The following KCMF1 variants were observed in gnomAD, a reference collection of about 807,000 sequenced individuals.
KCMF1 encodes E3 ubiquitin-protein ligase KCMF1.
Under a neutral mutation model 41.1 loss-of-function variants are expected in KCMF1, and 3 were observed. That is an observed-to-expected ratio of 0.07 (90% confidence interval 0.03 to 0.19). The LOEUF (loss-of-function observed/expected upper bound fraction) is 0.19. Among genes scored for constraint, KCMF1 ranks in the 10% least tolerant of loss-of-function variants. The pLI is 1.00. For missense variants in KCMF1, 286 were observed against 488.9 expected, an observed-to-expected ratio of 0.58 and a Z score of 3.91; for synonymous variants, 142 against 164.5, an observed-to-expected ratio of 0.86 and a Z score of 1.04.
intron 1 of KCMF1, among the ~76,000 whole-genome samples, chr2:84,989,575 C>T (rs142690113): frequency 4.5e-4 from 69 of 152,248 alleles, no homozygotes; most frequent in Middle Eastern, 3.4e-3. Context: ...TTCATTACCA[C>T]AAGAAAAGAT....
At chr2:84,974,274 T>A (rs1673475063) in intron 1 of KCMF1, among the ~76,000 whole-genome samples, 1 of 152,240 alleles carries the variant, frequency 6.6e-6, no homozygotes, top group Admixed American at 6.5e-5. Context: ...TATCATGTTG[T>A]ACTTGCTTGG....
intron 1 of KCMF1, among the ~76,000 whole-genome samples, chr2:85,002,531 T>C (rs1444410599): frequency 6.6e-6 from 1 of 152,228 alleles, no homozygotes; most frequent in Non-Finnish European, 1.5e-5. Flanking sequence ...TTGCATTACA[T>C]TGGTACATTT....
intron 2 of KCMF1, among the ~76,000 whole-genome samples, chr2:85,033,619 T>G (rs1675336174): frequency 6.6e-6 from 1 of 152,170 alleles, no homozygotes; most frequent in Non-Finnish European, 1.5e-5. Context: ...TCAAGGGAGC[T>G]AATTCAGTCC....
At chr2:85,021,810 T>A (rs1171356816) in intron 1 of KCMF1, among the ~76,000 whole-genome samples, 1 of 151,290 alleles carries the variant, frequency 6.6e-6, no homozygotes, top group Non-Finnish European at 1.5e-5. Flanking sequence ...AATCCCATGG[T>A]GTTTTGTTTT....
chr2:85,035,105 T>G lies in KCMF1; in HGVS notation c.274T>G (p.Ser92Ala). 6 of 1,613,570 alleles carry G rather than the reference T, an allele frequency of 3.7e-6. No individual in the cohort carries two copies. Among genetic ancestry groups the G allele is most frequent in the Non-Finnish European group, 5.1e-6 (6 of 1,179,674 alleles). Residue 92 changes from serine (S) to alanine (A), a missense_variant, in exon 3 of 7, where the codon TCT becomes GCT. Coordinates refer to ENST00000409785, the MANE Select transcript of KCMF1 (RefSeq NM_020122.5). Reference protein sequence around the residue: ...YCGKMGYTETSLQEHVTSEHA... With the variant: ...YCGKMGYTETALQEHVTSEHA... ...TGGAAAAATGGGCTATACGGAGACA[T>G]CTCTTCAAGAACATGTTACTTCTGA...
Position 85,056,536 on chromosome 2 carries a change from C to T in KCMF1, c.*3127C>T, listed in dbSNP as rs1675935079. ...TACTCCATGGATGTTGGGGTAAGCA[C>T]ATATATCAATAGTTCATAGCTCTAG... On this transcript the variant is annotated 3_prime_UTR_variant, in exon 7 of 7. Transcript: ENST00000409785. 1.3e-5 allele frequency: 2 copies of T among 152,092 alleles called. No homozygotes were observed. Among genetic ancestry groups the T allele is most frequent in the South Asian group, 4.1e-4 (2 of 4,822 alleles). The allele number at this position is 152,092 out of a possible 1,614,324, so 9.4% of individuals were successfully genotyped here.
intron 1 of KCMF1, among the ~76,000 whole-genome samples, chr2:85,015,794 T>C (rs898508165): frequency 6.6e-6 from 1 of 152,236 alleles, no homozygotes; most frequent in East Asian, 1.9e-4. Context: ...TTGTGAAGAT[T>C]GACAAAGTAA....
intron 1 of KCMF1, among the ~76,000 whole-genome samples, chr2:84,984,909 G>A (rs1385486069): frequency 4.6e-5 from 7 of 151,848 alleles, no homozygotes; most frequent in Admixed American, 2.6e-4. Flanking sequence ...GGATGGCCTC[G>A]AACTCTTGGG....
intron 2 of KCMF1, among the ~76,000 whole-genome samples, chr2:85,033,586 C>T (rs1675334830): frequency 6.6e-6 from 1 of 152,110 alleles, no homozygotes; most frequent in African/African-American, 2.4e-5. Context: ...TGACAGACAG[C>T]CTCCCTTTAA....
intron 1 of KCMF1, 72 bp downstream of exon 1, chr2:84,971,539 A>G (rs1463593970): frequency 1.0e-5 from 9 of 902,808 alleles, no homozygotes; most frequent in Non-Finnish European, 1.3e-5. Flanking sequence ...GGCGCGGCGG[A>G]GGGCGGCCGG....
intron 1 of KCMF1, among the ~76,000 whole-genome samples, chr2:84,977,353 C>T (rs1673575866): frequency 6.6e-6 from 1 of 152,166 alleles, no homozygotes; most frequent in African/African-American, 2.4e-5. Flanking sequence ...CTGATAAGAT[C>T]CTTACCATCA....
intron 4 of KCMF1, among the ~76,000 whole-genome samples, chr2:85,045,245 C>CATAT (rs551733035): frequency 1.2e-3 from 174 of 151,202 alleles, no homozygotes; most frequent in East Asian, 3.7e-3. Context: ...TCTCAAGATA[C>CATAT]ATATATATAT....
chr2:84,993,987 A>G (rs11883641), intron 1 of KCMF1, among the ~76,000 whole-genome samples: 23,298 of 145,572 alleles, frequency 0.16, 2,786 homozygotes, highest in East Asian at 0.36. Flanking sequence ...TTGCTCTGTC[A>G]CCCAGGCTGG....
chr2:84,974,663 A>G (rs1468317054), intron 1 of KCMF1, among the ~76,000 whole-genome samples: 1 of 25,280 alleles, frequency 4.0e-5, no homozygotes, highest in African/African-American at 1.8e-4. Flanking sequence ...AATTTCATAT[A>G]TATATATATA....
chr2:84,990,252 A>G (rs1399307384), intron 1 of KCMF1, among the ~76,000 whole-genome samples: 1 of 152,174 alleles, frequency 6.6e-6, no homozygotes, highest in Non-Finnish European at 1.5e-5. Context: ...TTTGGCTGTG[A>G]AGGGAAGGAG....
intron 1 of KCMF1, among the ~76,000 whole-genome samples, chr2:84,976,372 A>G (rs1344170724): frequency 6.6e-6 from 1 of 151,874 alleles, no homozygotes; most frequent in African/African-American, 2.4e-5. Flanking sequence ...GCTACTGGCT[A>G]ATTTTTCTAT....
At chr2:85,035,923 A>G (rs1675391732) in intron 3 of KCMF1, among the ~76,000 whole-genome samples, 2 of 152,226 alleles carry the variant, frequency 1.3e-5, no homozygotes, top group Admixed American at 1.3e-4. Flanking sequence ...ATATTGCATC[A>G]ACTAATAAGC....
chr2:85,035,602 C>T (rs191339407), intron 3 of KCMF1, among the ~76,000 whole-genome samples: 5 of 152,144 alleles, frequency 3.3e-5, no homozygotes, highest in African/African-American at 9.7e-5. Context: ...CTGATCTTAC[C>T]TGGTTTTCAT....
chr2:85,052,395 C>A (rs1276249511), intron 6 of KCMF1, among the ~76,000 whole-genome samples: 2 of 152,124 alleles, frequency 1.3e-5, no homozygotes, highest in Non-Finnish European at 2.9e-5. Context: ...GACAGTGGGA[C>A]CAGTTCATTT....
Sources: gnomAD v4.1 joint callset for allele counts (sites outside exome capture counted in the v4.1 genomes callset) on GRCh38, gnomAD v4.1.1 for gene constraint, MANE v1.5 for transcripts, NCBI Gene and HGNC (gene_info 2026-07-23, HGNC 2026-07-21) for gene names.